Variants in MAP7D3 observed in about 807,000 individuals in gnomAD.
MAP7D3 encodes the protein MAP7 domain-containing protein 3.
A neutral mutation model predicts 62.2 loss-of-function variants in MAP7D3; 45 were observed. The ratio of observed to expected loss-of-function variants is 0.72; its 90% confidence interval spans 0.57 to 0.93. The LOEUF (loss-of-function observed/expected upper bound fraction) is 0.93, where lower values mean the gene tolerates loss of function less well. Among genes scored for constraint, MAP7D3 ranks in the 40% least tolerant of loss-of-function variants. The pLI is 0.00. For synonymous variants in MAP7D3, 288 were observed against 248.8 expected (o/e 1.16, Z -1.48); for missense variants, 711 against 683.1 (o/e 1.04, Z -0.45).
intron 14 of MAP7D3, among the ~76,000 whole-genome samples, chrX:136,223,823 G>A (rs1368433794): frequency 9.1e-6 from 1 of 110,194 alleles, no homozygotes; most frequent in Non-Finnish European, 1.9e-5. Context: ...CATCACTTGA[G>A]CCCAGGAGTT....
In MAP7D3 at chrX:136,228,916, T is replaced by C. The variant is rs1012001596; in HGVS notation, c.1751-158A>G. 3.0e-4 allele frequency: 100 copies of C among 338,075 alleles called. 1 individual carries two copies. The highest frequency in any genetic ancestry group is 4.3e-5 in the Non-Finnish European group (9 of 210,324). 27.9% of individuals were successfully genotyped at this position (338,075 alleles called of 1,213,427 possible). A position where few individuals can be genotyped will look rare whatever the true frequency, so the allele number is the denominator to read the frequency against. On this transcript the variant is annotated intron_variant, in intron 10 of 18. Coordinates refer to ENST00000316077, the MANE Select transcript of MAP7D3 (RefSeq NM_024597.4). ...ACTATAGGTGATTATCTAACAGATTTTGTTCAAACTGCACCCCCAACAACA... is the reference window on the plus strand; with the variant it reads ...ACTATAGGTGATTATCTAACAGATTCTGTTCAAACTGCACCCCCAACAACA...
downstream of MAP7D3, chrX:136,214,318 T>C (rs1185465757): frequency 9.0e-6 from 1 of 111,498 alleles, no homozygotes; most frequent in Non-Finnish European, 1.9e-5. Context: ...GGGGCCTGTT[T>C]TGACCAACCA....
intron 11 of MAP7D3, 148 bp downstream of exon 11, chrX:136,228,475 C>T (rs1354066181): frequency 1.9e-6 from 1 of 518,029 alleles, no homozygotes; most frequent in Non-Finnish European, 3.1e-6. Context: ...TGAAATGCTT[C>T]CTATGCAGGC....
intron 15 of MAP7D3, 28 bp from the exon 16 acceptor site, chrX:136,220,991 AT>A: frequency 9.6e-7 from 1 of 1,045,034 alleles, no homozygotes; most frequent in East Asian, 3.0e-5. Context: ...ACAATTAAAT[AT>A]GGAGTTTCAA....
At chrX:136,230,657 T>A (rs1044817845) in intron 9 of MAP7D3, 64 bp from the exon 10 acceptor site, 1 of 893,499 alleles carries the variant, frequency 1.1e-6, no homozygotes, top group Non-Finnish European at 1.6e-6. Flanking sequence ...AAATATAAGA[T>A]GCTATTATGA....
In MAP7D3 at chrX:136,246,090, T is replaced by C; in HGVS notation, c.228A>G (p.Arg76=). Residue 76 remains arginine, a synonymous_variant, in exon 3 of 19, where the codon AGA becomes AGG. Transcript: ENST00000316077. ...CGTCTTGCTGTCTCCTTTTCTCCTC[T>C]CTGCGCTCTCTTGCTAATCTTTGTT... ...DIKQRLARER[R]EEKRRQQDAN... 1 of 1,203,092 alleles carries C rather than the reference T, an allele frequency of 8.3e-7. No homozygotes were observed. The highest frequency in any genetic ancestry group is 1.1e-6 in the Non-Finnish European group (1 of 890,010).
intron 1 of MAP7D3, among the ~76,000 whole-genome samples, chrX:136,249,764 G>A (rs958520367): frequency 1.8e-5 from 2 of 111,663 alleles, no homozygotes; most frequent in African/African-American, 6.5e-5. Context: ...GGGCAGTTCT[G>A]GTCAAGTTGG....
intron 1 of MAP7D3, 41 bp from the exon 2 acceptor site, chrX:136,246,382 C>T (rs770901396): frequency 2.1e-5 from 19 of 902,117 alleles, no homozygotes; most frequent in Non-Finnish European, 2.7e-5. Context: ...GTTAAGAATA[C>T]GGATAGCTAA....
At chrX:136,240,261 C>T in intron 6 of MAP7D3, 121 bp downstream of exon 6, 1 of 406,225 alleles carries the variant, frequency 2.5e-6, no homozygotes, top group South Asian at 4.6e-5. Flanking sequence ...TGTAAAATAA[C>T]ATGGGACTCT....
chrX:136,229,961 G>GTA (rs1335947893), intron 10 of MAP7D3, among the ~76,000 whole-genome samples: 26 of 65,387 alleles, frequency 4.0e-4, no homozygotes, highest in Non-Finnish European at 6.0e-4. Flanking sequence ...TTTTTTGTGT[G>GTA]TGTATATATA....
intron 7 of MAP7D3, among the ~76,000 whole-genome samples, chrX:136,235,293 ATCT>A (rs1160303731): frequency 8.9e-6 from 1 of 112,582 alleles, no homozygotes; most frequent in African/African-American, 3.2e-5. Context: ...GCTCCAATAA[ATCT>A]TCATGTTCAT....
At chrX:136,248,773 A>G (rs1297903929) in intron 1 of MAP7D3, among the ~76,000 whole-genome samples, 1 of 112,438 alleles carries the variant, frequency 8.9e-6, no homozygotes, top group East Asian at 2.8e-4. Flanking sequence ...TATAAAGTGG[A>G]CGTAATTATT....
chrX:136,232,439 C>T (rs1420358269), intron 7 of MAP7D3, among the ~76,000 whole-genome samples: 1 of 112,148 alleles, frequency 8.9e-6, no homozygotes, highest in South Asian at 3.7e-4. Flanking sequence ...TAACAACAGT[C>T]GTTGTAAAGG....
At chrX:136,213,640 T>A (rs1603275413), downstream of MAP7D3, 1 of 111,328 alleles carries the variant, frequency 9.0e-6, no homozygotes, top group African/African-American at 3.3e-5. Flanking sequence ...TGCTCTGGTG[T>A]CTGTGACATA....
chrX:136,230,431 G>A lies in MAP7D3; in HGVS notation c.1704C>T (p.Thr568=), dbSNP rs2074252889. The change falls in exon 10 of 19, where the codon ACC becomes ACT. Residue 568 remains threonine, a synonymous_variant. Coordinates refer to ENST00000316077, the MANE Select transcript of MAP7D3 (RefSeq NM_024597.4). ...GGCTCAAAGCCTCACATCTGTTAGT[G>A]GTTTTAGAAACTGTTTCTTTTTTCT... ...VKKKKETVSK[T]TNRCEALSQR... is the part of the protein sequence containing the mutation. 8.3e-7 allele frequency: 1 copy of A among 1,203,617 alleles called. No individual in the cohort carries two copies.
chrX:136,217,237 C>A lies in MAP7D3; in HGVS notation c.*1289G>T, dbSNP rs910872206. 2 of 112,241 alleles carry A rather than the reference C, an allele frequency of 1.8e-5. No individual in the cohort carries two copies. The highest frequency in any genetic ancestry group is 1.9e-4 in the Admixed American group (2 of 10,623). 9.2% of individuals were successfully genotyped at this position (112,241 alleles called of 1,213,427 possible). On this transcript the variant is annotated 3_prime_UTR_variant, in exon 19 of 19. Coordinates refer to ENST00000316077, the MANE Select transcript of MAP7D3 (RefSeq NM_024597.4). Reference sequence around the variant, plus strand: ...TGTGCATTTCTGTGTGCCCATCACACGAACTCACTGGCAGCCAGTGGCTAG... The same window carrying A: ...TGTGCATTTCTGTGTGCCCATCACAAGAACTCACTGGCAGCCAGTGGCTAG...
chrX:136,230,804 C>T (rs778004447), intron 9 of MAP7D3, 35 bp downstream of exon 9: 18 of 1,186,198 alleles, frequency 1.5e-5, no homozygotes, highest in South Asian at 1.9e-5. Flanking sequence ...TCTAGTAAAA[C>T]GCCTATCAGG....
chrX:136,230,265 T>G (rs956665295), intron 10 of MAP7D3, 120 bp downstream of exon 10: 20 of 462,019 alleles, frequency 4.3e-5, no homozygotes, highest in Non-Finnish European at 7.4e-5. Flanking sequence ...TCTCTCTTTC[T>G]AAAAGGAAAA....
chrX:136,232,053 T>C lies in MAP7D3; in HGVS notation c.904A>G (p.Ser302Gly). ...TTCACCTGGGGGGGTGCATCCACAC[T>C]TGCCTTGGGAGGTGTCTCTACTTTC... ...LEKVETPPKA[S>G]VDAPPQVNVE... Residue 302 changes from serine to glycine, a missense_variant, in exon 8 of 19, where the codon AGT becomes GGT. Coordinates refer to ENST00000316077, the MANE Select transcript of MAP7D3 (RefSeq NM_024597.4). The C allele has an allele frequency of 8.3e-7, 1 of 1,211,326 alleles. No individual in the cohort carries two copies. Among genetic ancestry groups the C allele is most frequent in the Non-Finnish European group, 1.1e-6 (1 of 894,974 alleles).
Sources: gnomAD v4.1 joint callset for allele counts (sites outside exome capture counted in the v4.1 genomes callset) on GRCh38, gnomAD v4.1.1 for gene constraint, MANE v1.5 for transcripts, NCBI Gene and HGNC (gene_info 2026-07-23, HGNC 2026-07-21) for gene names.